CRACD: variants seen among roughly 807,000 people sequenced by gnomAD.
CRACD encodes the protein capping protein inhibiting regulator of actin dynamics.
CRACD carries 56 observed loss-of-function variants against 106.8 expected under a neutral mutation model. The observed-to-expected ratio is 0.52, with a 90% confidence interval of 0.42 to 0.66. The LOEUF (loss-of-function observed/expected upper bound fraction) is 0.66, where lower values mean the gene tolerates loss of function less well. CRACD is among the 30% of genes least tolerant of loss of function. The pLI is 0.00. For missense variants in CRACD, 1,730 were observed against 1,623.2 expected (o/e 1.07, Z -1.13); for synonymous variants, 754 against 670.8 (o/e 1.12, Z -1.92).
chr4:56,287,279 T>TCG (rs1743425633), intron 3 of CRACD, among the ~76,000 whole-genome samples: 1 of 150,902 alleles, frequency 6.6e-6, no homozygotes, highest in East Asian at 1.9e-4. Context: ...TGTGCAGCAC[T>TCG]ATACTTGGCT....
chr4:56,329,434 G>C lies in CRACD; in HGVS notation c.*1630G>C, dbSNP rs758840880. Among the ~76,000 whole-genome samples the C allele has an allele frequency of 9.9e-5, 15 of 152,170 alleles. No homozygotes were observed. The highest frequency in any genetic ancestry group is 1.8e-4 in the Non-Finnish European group (12 of 68,034). On this transcript the variant is annotated 3_prime_UTR_variant, in exon 11 of 11. Coordinates refer to ENST00000682029, the MANE Select transcript of CRACD (RefSeq NM_001393381.1). The stretch of plus-strand genomic sequence containing the variant: ...ACCTTAAATAAAGGATGATGGCAAA[G>C]TTATTTACCATGTAGAAACCATTTT...
At position 56,102,375 on chromosome 4, in the gene CRACD, G is replaced by A. The variant is rs77034949; in HGVS notation, c.-336+53076G>A. Among the ~76,000 whole-genome samples, 531 of 152,304 alleles carry A rather than the reference G, an allele frequency of 3.5e-3. 4 individuals are homozygous for A. Among genetic ancestry groups the A allele is most frequent in the African/African-American group, 0.012 (508 of 41,568 alleles). On this transcript the variant is annotated intron_variant, in intron 1 of 10. Transcript: ENST00000682029. ...CGTTCTAATCAGAGCCAGCATGGAT[G>A]AGTGGTCCTAGCATTCACCTTCTTC...
At chr4:56,051,056 A>C (rs1218687758) in intron 1 of CRACD, among the ~76,000 whole-genome samples, 1 of 152,230 alleles carries the variant, frequency 6.6e-6, no homozygotes, top group Non-Finnish European at 1.5e-5. Context: ...TGTGTTTTAC[A>C]GTTTTTCTCT....
At chr4:56,063,650 C>G (rs1732359285) in intron 1 of CRACD, among the ~76,000 whole-genome samples, 1 of 152,014 alleles carries the variant, frequency 6.6e-6, no homozygotes, top group Non-Finnish European at 1.5e-5. Flanking sequence ...GAATGTTTGG[C>G]CTTTTGCGTC....
chr4:56,178,447 C>G (rs547592897), intron 1 of CRACD, among the ~76,000 whole-genome samples: 1 of 152,322 alleles, frequency 6.6e-6, no homozygotes, highest in South Asian at 2.1e-4. Context: ...CGTGGCCTTT[C>G]ATGCCCTGGC....
At chr4:56,151,601 A>G (rs979523135) in intron 1 of CRACD, among the ~76,000 whole-genome samples, 15 of 152,190 alleles carry the variant, frequency 9.9e-5, no homozygotes, top group African/African-American at 3.4e-4. Context: ...TTAGTTTGCT[A>G]CCATTTAATC....
intron 3 of CRACD, 37 bp downstream of exon 3, chr4:56,272,529 A>T (rs929992691): frequency 1.3e-5 from 2 of 152,526 alleles, no homozygotes; most frequent in Admixed American, 1.3e-4. Flanking sequence ...TCTTTGGTGG[A>T]GTCCCAGGGT....
At chr4:56,101,241 C>T (rs986838232) in intron 1 of CRACD, among the ~76,000 whole-genome samples, 1 of 151,304 alleles carries the variant, frequency 6.6e-6, no homozygotes, top group Admixed American at 6.6e-5. Context: ...TGATTTTCTC[C>T]CCTTCCTCCT....
chr4:56,211,247 T>TAGGG (rs766430212), intron 2 of CRACD, among the ~76,000 whole-genome samples: 16 of 152,192 alleles, frequency 1.1e-4, no homozygotes, highest in Non-Finnish European at 2.1e-4. Context: ...CCATCTTGAA[T>TAGGG]AGGGGCTGAG....
intron 1 of CRACD, among the ~76,000 whole-genome samples, chr4:56,172,564 G>T (rs1736415175): frequency 6.6e-6 from 1 of 152,126 alleles, no homozygotes; most frequent in African/African-American, 2.4e-5. Flanking sequence ...CCGGGTTCAA[G>T]CAACTCTCCT....
rs73817440 is a variant in CRACD at position 56,262,462 on chromosome 4, A to C, written c.-188-9859A>C. 1.3e-3 allele frequency among the ~76,000 whole-genome samples: 198 copies of C among 152,344 alleles called. 3 individuals are homozygous for C. The highest frequency in any genetic ancestry group is 4.6e-3 in the African/African-American group (193 of 41,582). On this transcript the variant is annotated intron_variant, in intron 2 of 10. Coordinates refer to ENST00000682029, the MANE Select transcript of CRACD (RefSeq NM_001393381.1). ...TGCAGCCCAGAATGGCTTTGAGTGC[A>C]GCCAGCCCCACACAAATTCATAAAC...
chr4:56,249,789 A>G (rs926937162), intron 2 of CRACD, among the ~76,000 whole-genome samples: 1 of 152,226 alleles, frequency 6.6e-6, no homozygotes, highest in African/African-American at 2.4e-5. Context: ...CCATCTTAGA[A>G]AAAAGGAAAA....
chr4:56,307,604 AGTGGAGAG>A lies in CRACD; in HGVS notation c.192_199del (p.Gly65Ter). On this transcript the variant is annotated frameshift_variant, in exon 5 of 11. Coordinates refer to ENST00000682029, the MANE Select transcript of CRACD (RefSeq NM_001393381.1). LOFTEE classifies it high-confidence loss of function. The stretch of plus-strand genomic sequence containing the variant: ...TGCCATTCCCATGAATAAGGCAAAC[AGTGGAGAG>A]GCTAGCTTAGAAGAGGATCTGTTCC... 1 of 1,614,232 alleles carries A rather than the reference AGTGGAGAG, an allele frequency of 6.2e-7. No homozygotes were observed. The highest frequency in any genetic ancestry group is 8.5e-7 in the Non-Finnish European group (1 of 1,180,040).
chr4:56,192,420 T>C (rs1293038331), intron 2 of CRACD, among the ~76,000 whole-genome samples: 2 of 151,420 alleles, frequency 1.3e-5, no homozygotes, highest in African/African-American at 4.8e-5. Context: ...AAGTATACTG[T>C]GCTGGGAATT....
intron 1 of CRACD, among the ~76,000 whole-genome samples, chr4:56,069,891 G>A (rs1030930091): frequency 6.6e-6 from 1 of 152,220 alleles, no homozygotes; most frequent in African/African-American, 2.4e-5. Context: ...ACTAGAAGGG[G>A]CTTAATTAAA....
chr4:56,092,569 A>G (rs1278512622), intron 1 of CRACD, among the ~76,000 whole-genome samples: 2 of 152,164 alleles, frequency 1.3e-5, no homozygotes, highest in Non-Finnish European at 2.9e-5. Flanking sequence ...ATCAAAATAC[A>G]TTTCACTGGC....
chr4:56,304,219 A>C (rs1744534480), intron 4 of CRACD, among the ~76,000 whole-genome samples: 1 of 150,798 alleles, frequency 6.6e-6, no homozygotes. Flanking sequence ...CTTCCTCTCG[A>C]ATTGCCTCTT....
At chr4:56,137,273 A>G (rs904027870) in intron 1 of CRACD, among the ~76,000 whole-genome samples, 2 of 150,226 alleles carry the variant, frequency 1.3e-5, no homozygotes, top group Admixed American at 6.8e-5. Flanking sequence ...CCCTGCTTCA[A>G]AGAAAAAAAA....
At chr4:56,162,112 G>A (rs1735980671) in intron 1 of CRACD, among the ~76,000 whole-genome samples, 1 of 152,084 alleles carries the variant, frequency 6.6e-6, no homozygotes, top group South Asian at 2.1e-4. Flanking sequence ...GAGACTACAA[G>A]CACCACTTTG....
Sources: gnomAD v4.1 joint callset for allele counts (sites outside exome capture counted in the v4.1 genomes callset) on GRCh38, gnomAD v4.1.1 for gene constraint, MANE v1.5 for transcripts, NCBI Gene and HGNC (gene_info 2026-07-23, HGNC 2026-07-21) for gene names.